The following GRM7 variants were observed in gnomAD, a reference collection of about 807,000 sequenced individuals.
The protein encoded by GRM7 is metabotropic glutamate receptor 7.
GRM7 carries 35 observed loss-of-function variants against 84.5 expected under a neutral mutation model. The observed-to-expected ratio is 0.41, with a 90% CI of 0.32 to 0.55. GRM7 has a LOEUF of 0.55. GRM7 is among the 20% of genes least tolerant of loss of function. GRM7 has a pLI of 0.19. For missense variants in GRM7, 1,003 were observed against 1,194.6 expected (o/e 0.84, Z 2.36); for synonymous variants, 487 against 455.1 (o/e 1.07, Z -0.89).
intron 7 of GRM7, among the ~76,000 whole-genome samples, chr3:7,514,425 A>G (rs1017258978): frequency 6.6e-6 from 1 of 152,246 alleles, no homozygotes; most frequent in Non-Finnish European, 1.5e-5. Flanking sequence ...TAAGCTTACC[A>G]GAGTATTCCG....
intron 7 of GRM7, among the ~76,000 whole-genome samples, chr3:7,492,689 G>C (rs555430399): frequency 1.3e-5 from 2 of 151,218 alleles, no homozygotes; most frequent in African/African-American, 4.9e-5. Context: ...CTTTATTTTC[G>C]GTTCATTTGA....
intron 2 of GRM7, among the ~76,000 whole-genome samples, chr3:7,239,208 C>A (rs992625468): frequency 6.6e-6 from 1 of 151,950 alleles, no homozygotes; most frequent in Non-Finnish European, 1.5e-5. Context: ...GCCATATTGT[C>A]CAGGCTGGTC....
At chr3:7,454,456 A>C (rs1372885865) in intron 6 of GRM7, among the ~76,000 whole-genome samples, 1 of 152,192 alleles carries the variant, frequency 6.6e-6, no homozygotes, top group Non-Finnish European at 1.5e-5. Flanking sequence ...AATCATAATT[A>C]TATTATAAAC....
At chr3:7,367,636 T>C (rs1267662746) in intron 4 of GRM7, among the ~76,000 whole-genome samples, 2 of 151,582 alleles carry the variant, frequency 1.3e-5, no homozygotes. Context: ...TATCTGACCC[T>C]CCAAAAAATA....
At chr3:7,686,734 A>T (rs1235768862) in intron 9 of GRM7, among the ~76,000 whole-genome samples, 1 of 152,138 alleles carries the variant, frequency 6.6e-6, no homozygotes, top group Non-Finnish European at 1.5e-5. Flanking sequence ...CACATGCTCT[A>T]CTTTAAAACT....
intron 4 of GRM7, among the ~76,000 whole-genome samples, chr3:7,320,509 T>C (rs573096315): frequency 6.6e-6 from 1 of 152,138 alleles, no homozygotes; most frequent in Admixed American, 6.6e-5. Context: ...TAAGGGCAGT[T>C]GTGTCCTCCA....
At chr3:6,961,833 C>T (rs1693310779) in intron 1 of GRM7, among the ~76,000 whole-genome samples, 1 of 152,098 alleles carries the variant, frequency 6.6e-6, no homozygotes, top group South Asian at 2.1e-4. Flanking sequence ...CTTCAGTTTT[C>T]TGTATGCTCA....
intron 1 of GRM7, among the ~76,000 whole-genome samples, chr3:7,097,030 A>G (rs1479637577): frequency 2.0e-5 from 3 of 152,178 alleles, no homozygotes; most frequent in Admixed American, 2.0e-4. Flanking sequence ...AAATGCCTAA[A>G]TATGAAACAG....
intron 1 of GRM7, among the ~76,000 whole-genome samples, chr3:7,050,622 A>C (rs1312161415): frequency 6.6e-6 from 1 of 151,898 alleles, no homozygotes. Flanking sequence ...CAATCCTCAG[A>C]GCCAAATTAA....
At chr3:7,595,904 A>G (rs546454911) in intron 8 of GRM7, among the ~76,000 whole-genome samples, 3 of 152,228 alleles carry the variant, frequency 2.0e-5, no homozygotes, top group Non-Finnish European at 2.9e-5. Context: ...TTTATTTTGC[A>G]TTGTATGGGA....
intron 9 of GRM7, among the ~76,000 whole-genome samples, chr3:7,704,988 C>G (rs1443420648): frequency 1.3e-5 from 2 of 152,148 alleles, no homozygotes; most frequent in African/African-American, 4.8e-5. Flanking sequence ...GTTCGAGAAG[C>G]CTTCAAGACT....
In GRM7 at chr3:7,331,760, G is replaced by A. The variant is rs367917335; in HGVS notation, c.1033+25108G>A. Among the ~76,000 whole-genome samples the A allele has an allele frequency of 1.0e-3, 154 of 152,192 alleles. 2 individuals are homozygous for A. Among genetic ancestry groups the A allele is most frequent in the Middle Eastern group, 6.8e-3 (2 of 294 alleles). On this transcript the variant is annotated intron_variant, in intron 4 of 9. Transcript: ENST00000357716. ...GGCATAAAAGCAGTCTCTTTTCTGC[G>A]GAGCCTCAATTTCCCCCTAGGTAAA...
chr3:7,245,279 A>G lies in GRM7; in HGVS notation c.737-53405A>G, dbSNP rs143431690. Among the ~76,000 whole-genome samples the G allele has an allele frequency of 1.7e-3, 261 of 152,182 alleles. 2 individuals carry two copies. Among genetic ancestry groups the G allele is most frequent in the African/African-American group, 6.0e-3 (250 of 41,564 alleles). ...ACAAAATGTTTTAAAATGACAGAAA[A>G]CAAGAACCTCTAGATCAAAGAAGCC... is the stretch of plus-strand genomic sequence containing the variant. On this transcript the variant is annotated intron_variant, in intron 2 of 9. Transcript: ENST00000357716.
intron 1 of GRM7, among the ~76,000 whole-genome samples, chr3:7,046,563 G>T (rs1336393148): frequency 6.6e-6 from 1 of 152,018 alleles, no homozygotes; most frequent in African/African-American, 2.4e-5. Context: ...GTATTTTCTG[G>T]TTTGTAGTTT....
intron 1 of GRM7, among the ~76,000 whole-genome samples, chr3:7,064,080 T>G (rs1697531985): frequency 6.6e-6 from 1 of 151,530 alleles, no homozygotes; most frequent in South Asian, 2.1e-4. Flanking sequence ...ATAATTTATT[T>G]TATTTTATTT....
intron 2 of GRM7, among the ~76,000 whole-genome samples, chr3:7,193,117 C>T (rs1296194803): frequency 6.6e-6 from 1 of 152,086 alleles, no homozygotes; most frequent in African/African-American, 2.4e-5. Flanking sequence ...AATTCCTATA[C>T]CAGTACCTCT....
At chr3:7,221,992 A>C (rs942268962) in intron 2 of GRM7, among the ~76,000 whole-genome samples, 1 of 151,812 alleles carries the variant, frequency 6.6e-6, no homozygotes, top group Non-Finnish European at 1.5e-5. Flanking sequence ...TATTTTTAGT[A>C]GAGACGGGGT....
At chr3:7,217,652 C>T (rs1366216689) in intron 2 of GRM7, among the ~76,000 whole-genome samples, 4 of 150,480 alleles carry the variant, frequency 2.7e-5, no homozygotes, top group South Asian at 2.1e-4. Context: ...AAAATCTTTC[C>T]AATTTCTGTC....
At chr3:7,063,360 TG>T (rs111759617) in intron 1 of GRM7, among the ~76,000 whole-genome samples, 8 of 151,868 alleles carry the variant, frequency 5.3e-5, no homozygotes, top group African/African-American at 1.9e-4. Flanking sequence ...TGTTCCCTGA[TG>T]GTGACTATTG....
Sources: allele counts gnomAD v4.1 joint callset (sites outside exome capture counted in the v4.1 genomes callset), GRCh38; gene constraint gnomAD v4.1.1; transcripts MANE v1.5; gene names NCBI Gene and HGNC (gene_info 2026-07-23, HGNC 2026-07-21).